The following GRIP1 variants were observed in gnomAD, a reference collection of about 807,000 sequenced individuals.
GRIP1 encodes the protein glutamate receptor-interacting protein 1.
In GRIP1, 45 loss-of-function variants were observed where a neutral mutation model predicts 129.9. The observed-to-expected ratio is 0.35, with a 90% CI of 0.27 to 0.44. The LOEUF (loss-of-function observed/expected upper bound fraction) is 0.44, where lower values mean the gene tolerates loss of function less well. Ranked by LOEUF, GRIP1 falls within the 20% of genes least tolerant of loss-of-function variation. GRIP1 has a pLI of 1.00. For missense variants in GRIP1, 1,196 were observed against 1,396.8 expected, an observed-to-expected ratio of 0.86 and a Z score of 2.29; for synonymous variants, 530 against 520.8, an observed-to-expected ratio of 1.02 and a Z score of -0.24.
In GRIP1 at chr12:66,444,604, T is replaced by A; in HGVS notation, c.1667A>T (p.Glu556Val). 1 of 1,613,988 alleles carries A rather than the reference T, an allele frequency of 6.2e-7. No homozygotes were observed. The highest frequency in any genetic ancestry group is 1.1e-5 in the South Asian group (1 of 91,080). ...DSSITSKVTL[E>V]IEFDVAESVI... Reference sequence around the variant, plus strand: ...TATACCTGCAACATCAAACTCGATTTCCAGTGTGACCTTGCTCGTGATTGA... The same window carrying A: ...TATACCTGCAACATCAAACTCGATTACCAGTGTGACCTTGCTCGTGATTGA... The change falls in exon 13 of 25, where the codon GAA becomes GTA. Residue 556 changes from glutamate (E) to valine (V), a missense_variant. By Grantham distance (121) the Glu-to-Val change is moderately radical. Transcript: ENST00000359742.
chr12:66,600,624 T>C (rs957187527), intron 1 of GRIP1, among the ~76,000 whole-genome samples: 2 of 152,208 alleles, frequency 1.3e-5, no homozygotes, highest in Admixed American at 1.3e-4. Flanking sequence ...TATTAAGTAT[T>C]GACTTAATGT....
At chr12:66,443,508 G>A (rs1259945318) in intron 13 of GRIP1, among the ~76,000 whole-genome samples, 1 of 150,954 alleles carries the variant, frequency 6.6e-6, no homozygotes, top group Admixed American at 6.6e-5. Flanking sequence ...AGGCTGGAGT[G>A]CAGTGGTGTG....
At chr12:66,706,242 GA>G (rs2035524511) in intron 1 of GRIP1, among the ~76,000 whole-genome samples, 1 of 152,226 alleles carries the variant, frequency 6.6e-6, no homozygotes. Context: ...GTGGGCAAAG[GA>G]TATGAACAGA....
chr12:66,557,578 C>T (rs117908632), intron 2 of GRIP1, among the ~76,000 whole-genome samples: 2,951 of 152,210 alleles, frequency 0.019, 62 homozygotes, highest in South Asian at 0.091. Flanking sequence ...CAAAACAAAT[C>T]TCTAAAAATT....
chr12:66,620,720 T>C (rs577279197), intron 1 of GRIP1, among the ~76,000 whole-genome samples: 1 of 151,876 alleles, frequency 6.6e-6, no homozygotes, highest in African/African-American at 2.4e-5. Context: ...CTTCCTTCCT[T>C]TTCTCCCTCT....
chr12:66,891,090 A>G (rs191876693), intron 1 of GRIP1, among the ~76,000 whole-genome samples: 4 of 152,374 alleles, frequency 2.6e-5, no homozygotes, highest in African/African-American at 7.2e-5. Context: ...GTATACTTCA[A>G]TAAGGAATTT....
At chr12:66,726,532 T>C (rs879351545) in intron 1 of GRIP1, among the ~76,000 whole-genome samples, 10 of 152,196 alleles carry the variant, frequency 6.6e-5, no homozygotes, top group Non-Finnish European at 1.2e-4. Flanking sequence ...CTTTAATTCT[T>C]GTTTCGCCCA....
At chr12:66,585,371 C>T (rs1413643854) in intron 2 of GRIP1, among the ~76,000 whole-genome samples, 9 of 133,544 alleles carry the variant, frequency 6.7e-5, no homozygotes, top group South Asian at 5.0e-4. Flanking sequence ...TTTGTTCTTG[C>T]GATAGTTTAC....
intron 19 of GRIP1, 118 bp from the exon 20 acceptor site, chr12:66,379,554 A>T: frequency 1.0e-6 from 1 of 997,930 alleles, no homozygotes; most frequent in Non-Finnish European, 1.6e-6. Context: ...ACAATAGTGA[A>T]CACATAGTGT....
intron 1 of GRIP1, among the ~76,000 whole-genome samples, chr12:66,890,064 G>A (rs556852963): frequency 1.3e-5 from 2 of 152,152 alleles, no homozygotes; most frequent in South Asian, 4.2e-4. Context: ...CAATAGCTGG[G>A]ACTACAGGTA....
intron 9 of GRIP1, among the ~76,000 whole-genome samples, chr12:66,462,248 T>A (rs1418618010): frequency 1.3e-5 from 2 of 152,216 alleles, no homozygotes; most frequent in Non-Finnish European, 2.9e-5. Flanking sequence ...CATAATATAT[T>A]GTAAACCAAG....
chr12:66,645,105 T>C (rs2032251091), intron 1 of GRIP1, among the ~76,000 whole-genome samples: 1 of 152,218 alleles, frequency 6.6e-6, no homozygotes. Context: ...GGTATCTTTT[T>C]CAACTTCTAC....
chr12:66,441,215 C>G lies in GRIP1; in HGVS notation c.1687+3369G>C, dbSNP rs538459924. On this transcript the variant is annotated intron_variant, in intron 13 of 24. Coordinates refer to ENST00000359742, the MANE Select transcript of GRIP1 (RefSeq NM_001366722.1). ...TTGAATTCTCCATAGTATATTTAAG[C>G]TATCAATAGTGACTTTTGTCTTGAA... Among the ~76,000 whole-genome samples the G allele has an allele frequency of 6.6e-5, 10 of 152,312 alleles. No individual in the cohort carries two copies. In the East Asian group the frequency reaches 1.9e-3, roughly 29 times the overall value.
At chr12:66,712,764 T>C (rs1345825405) in intron 1 of GRIP1, among the ~76,000 whole-genome samples, 1 of 151,978 alleles carries the variant, frequency 6.6e-6, no homozygotes, top group African/African-American at 2.4e-5. Flanking sequence ...TTATAAACTG[T>C]TAGGATTAAA....
At chr12:67,054,968 C>T (rs373751019) in intron 1 of GRIP1, among the ~76,000 whole-genome samples, 2 of 152,080 alleles carry the variant, frequency 1.3e-5, no homozygotes, top group Admixed American at 6.6e-5. Flanking sequence ...TCAAGTAATA[C>T]GTGATTGGAA....
At chr12:66,383,745 C>T (rs979829875) in intron 19 of GRIP1, among the ~76,000 whole-genome samples, 3 of 152,178 alleles carry the variant, frequency 2.0e-5, no homozygotes, top group Non-Finnish European at 2.9e-5. Flanking sequence ...TTCTCTTCTT[C>T]GTCCTTAGTA....
intron 2 of GRIP1, among the ~76,000 whole-genome samples, chr12:66,569,461 A>G (rs1243775380): frequency 6.6e-6 from 1 of 151,960 alleles, no homozygotes; most frequent in African/African-American, 2.4e-5. Context: ...TGGGTGACAG[A>G]GTGAGACTTC....
intron 1 of GRIP1, among the ~76,000 whole-genome samples, chr12:67,063,493 CTT>C (rs1451700093): frequency 3.3e-5 from 5 of 152,100 alleles, no homozygotes; most frequent in Non-Finnish European, 1.5e-5. Flanking sequence ...ATTTAAGAAT[CTT>C]TTCAATTTCA....
chr12:66,504,035 G>A (rs1307419339), intron 7 of GRIP1, among the ~76,000 whole-genome samples: 4 of 152,126 alleles, frequency 2.6e-5, no homozygotes, highest in Non-Finnish European at 4.4e-5. Flanking sequence ...AGGCATGATG[G>A]TGACTTGCTA....
Sources: allele counts gnomAD v4.1 joint callset (sites outside exome capture counted in the v4.1 genomes callset), GRCh38; gene constraint gnomAD v4.1.1; transcripts MANE v1.5; gene names NCBI Gene and HGNC (gene_info 2026-07-23, HGNC 2026-07-21).